The following RAB11FIP4 variants were observed in gnomAD, a reference collection of about 807,000 sequenced individuals.
RAB11FIP4 encodes rab11 family-interacting protein 4.
In RAB11FIP4, 23 loss-of-function variants were observed where a neutral mutation model predicts 74.3. That is an observed-to-expected ratio of 0.31 (90% CI 0.22 to 0.44). RAB11FIP4 has a LOEUF of 0.44. RAB11FIP4 is among the 20% of genes least tolerant of loss of function. RAB11FIP4 has a pLI of 1.00. For missense variants in RAB11FIP4, 630 were observed against 863.9 expected (o/e 0.73, Z 3.39); for synonymous variants, 360 against 359.9 (o/e 1.00, Z 0.00).
At chr17:31,485,218 C>T (rs2071889802) in intron 3 of RAB11FIP4, among the ~76,000 whole-genome samples, 1 of 152,238 alleles carries the variant, frequency 6.6e-6, no homozygotes, top group Non-Finnish European at 1.5e-5. Context: ...ACCGGGCAGG[C>T]TTCAAACCCA....
intron 10 of RAB11FIP4, chr17:31,526,051 C>T (rs2072761308): frequency 6.6e-6 from 1 of 152,276 alleles, no homozygotes; most frequent in Non-Finnish European, 1.5e-5. Context: ...GTCCCTGCCC[C>T]TGTGCAGTTT....
intron 3 of RAB11FIP4, among the ~76,000 whole-genome samples, chr17:31,517,043 G>A (rs1213640635): frequency 6.6e-6 from 1 of 151,906 alleles, no homozygotes; most frequent in Non-Finnish European, 1.5e-5. Flanking sequence ...ACCAATCAGA[G>A]ACTAAAGTGA....
At chr17:31,414,510 G>C (rs1374795855) in intron 1 of RAB11FIP4, among the ~76,000 whole-genome samples, 4 of 152,246 alleles carry the variant, frequency 2.6e-5, no homozygotes, top group Non-Finnish European at 5.9e-5. Context: ...CCTTGTGGGT[G>C]GCCGGAGGGA....
At chr17:31,477,542 C>A (rs942637508) in intron 3 of RAB11FIP4, among the ~76,000 whole-genome samples, 2 of 152,234 alleles carry the variant, frequency 1.3e-5, no homozygotes, top group African/African-American at 2.4e-5. Flanking sequence ...GTCAGAGGCG[C>A]CTGGACAGGC....
chr17:31,429,300 C>T (rs1315214854), intron 1 of RAB11FIP4, among the ~76,000 whole-genome samples: 1 of 152,182 alleles, frequency 6.6e-6, no homozygotes, highest in Non-Finnish European at 1.5e-5. Flanking sequence ...GAAACTAAGG[C>T]TAAGGCTTTC....
intron 1 of RAB11FIP4, 184 bp from the exon 2 acceptor site, chr17:31,431,629 G>T (rs957268229): frequency 1.1e-5 from 6 of 546,116 alleles, no homozygotes; most frequent in African/African-American, 9.9e-5. Flanking sequence ...TTCTTTGCCC[G>T]AGTTGTCTGT....
rs554600353 is a variant in RAB11FIP4 at position 31,525,722 on chromosome 17, G to A, written c.1274+492G>A. ...TCCCATTAGCTCCATGGCCTTGGAC[G>A]TACTGGGTCACCTCCCTGTGTGCCC... is the stretch of plus-strand genomic sequence containing the variant. On this transcript the variant is annotated intron_variant, in intron 10 of 14. Transcript: ENST00000621161. The A allele has an allele frequency of 1.5e-3, 248 of 163,802 alleles. 1 individual carries two copies. The highest frequency in any genetic ancestry group is 5.3e-3 in the African/African-American group (219 of 41,670). 10.1% of individuals were successfully genotyped at this position (163,802 alleles called of 1,614,324 possible).
chr17:31,414,991 G>C (rs755394549), intron 1 of RAB11FIP4, among the ~76,000 whole-genome samples: 1 of 152,206 alleles, frequency 6.6e-6, no homozygotes, highest in Non-Finnish European at 1.5e-5. Context: ...TCCCAGCGTT[G>C]ACCCAAGAGG....
rs62063922 is a variant in RAB11FIP4 at position 31,534,505 on chromosome 17, C to T, written c.*2773C>T. 0.14 allele frequency: 21,649 copies of T among 152,094 alleles called. 1,644 individuals carry two copies. Among genetic ancestry groups the T allele is most frequent in the South Asian group, 0.22 (1,044 of 4,816 alleles). The allele number at this position is 152,094 out of a possible 1,614,324, so 9.4% of individuals were successfully genotyped here. ...CTCGAGCTGCTGACCTCAAGTGATC[C>T]TCCCACCTCAGCCTGCCAAAGCACT... On this transcript the variant is annotated 3_prime_UTR_variant, in exon 15 of 15. Transcript: ENST00000621161.
intron 1 of RAB11FIP4, among the ~76,000 whole-genome samples, chr17:31,396,929 C>T (rs1597894231): frequency 6.6e-6 from 1 of 152,160 alleles, no homozygotes; most frequent in Non-Finnish European, 1.5e-5. Context: ...TCCCTGAGTC[C>T]TCAGGTCCCC....
chr17:31,440,287 C>G (rs1189353709), intron 3 of RAB11FIP4, among the ~76,000 whole-genome samples: 1 of 152,170 alleles, frequency 6.6e-6, no homozygotes, highest in African/African-American at 2.4e-5. Flanking sequence ...CCCTCTTTCT[C>G]AATTGATTTG....
At chr17:31,478,431 C>T (rs1269081465) in intron 3 of RAB11FIP4, among the ~76,000 whole-genome samples, 1 of 152,158 alleles carries the variant, frequency 6.6e-6, no homozygotes, top group African/African-American at 2.4e-5. Flanking sequence ...AGGGTCCTGT[C>T]CAAGCCCAGT....
chr17:31,413,132 G>A (rs182820089), intron 1 of RAB11FIP4, among the ~76,000 whole-genome samples: 7 of 152,118 alleles, frequency 4.6e-5, no homozygotes, highest in East Asian at 1.9e-4. Flanking sequence ...GAGGACTGGC[G>A]GGAGCTTTTC....
chr17:31,481,241 T>C (rs888924736), intron 3 of RAB11FIP4, among the ~76,000 whole-genome samples: 1 of 152,168 alleles, frequency 6.6e-6, no homozygotes, highest in Non-Finnish European at 1.5e-5. Context: ...CTTTAAAAAC[T>C]GCCAACACCT....
chr17:31,391,837 C>T lies in RAB11FIP4; in HGVS notation c.-16C>T, dbSNP rs2151610139. ...CGGCGGGCGAGGGGTCCGGGCTGAG[C>T]TGCGGGCCGGCCCGGATGGCGGGCG... On this transcript the variant is annotated 5_prime_UTR_variant, in exon 1 of 15. Coordinates refer to ENST00000621161, the MANE Select transcript of RAB11FIP4 (RefSeq NM_032932.6). The T allele has an allele frequency of 9.5e-7, 1 of 1,047,906 alleles. No individual in the cohort carries two copies. 64.9% of individuals were successfully genotyped at this position (1,047,906 alleles called of 1,614,324 possible).
At chr17:31,433,730 A>G (rs555350809) in intron 2 of RAB11FIP4, among the ~76,000 whole-genome samples, 1 of 151,636 alleles carries the variant, frequency 6.6e-6, no homozygotes, top group Non-Finnish European at 1.5e-5. Context: ...CCAGGTGGGC[A>G]GCACTGCCTT....
At position 31,432,759 on chromosome 17, in the gene RAB11FIP4, T is replaced by G. The variant is rs184577753; in HGVS notation, c.247+859T>G. 1.1e-3 allele frequency among the ~76,000 whole-genome samples: 166 copies of G among 152,290 alleles called. No individual in the cohort carries two copies. In the Middle Eastern group the frequency reaches 0.014, roughly 12 times the overall value. ...AAATCCCTCTGTCTTGTCCCAAAAA[T>G]TCAAAGGCCAGTTGTGAGAAACTTG... is the stretch of plus-strand genomic sequence containing the variant. On this transcript the variant is annotated intron_variant, in intron 2 of 14. Coordinates refer to ENST00000621161, the MANE Select transcript of RAB11FIP4 (RefSeq NM_032932.6).
chr17:31,444,420 G>A lies in RAB11FIP4; in HGVS notation c.336+10298G>A, dbSNP rs181624908. Reference sequence around the variant, plus strand: ...GCCTCAGAGCTTCTGTAAGATCCTCGATTTGTGTCTTTGGGAAATAACTCA... The same window carrying A: ...GCCTCAGAGCTTCTGTAAGATCCTCAATTTGTGTCTTTGGGAAATAACTCA... On this transcript the variant is annotated intron_variant, in intron 3 of 14. Coordinates refer to ENST00000621161, the MANE Select transcript of RAB11FIP4 (RefSeq NM_032932.6). Among the ~76,000 whole-genome samples the A allele has an allele frequency of 1.7e-4, 26 of 151,180 alleles. No individual in the cohort carries two copies. In the East Asian group the frequency reaches 4.5e-3, roughly 26 times the overall value.
At chr17:31,493,654 C>G (rs2072056605) in intron 3 of RAB11FIP4, among the ~76,000 whole-genome samples, 1 of 152,134 alleles carries the variant, frequency 6.6e-6, no homozygotes, top group Non-Finnish European at 1.5e-5. Context: ...TGCCTGTTTC[C>G]TTAAGGAGAA....
Sources: gnomAD v4.1 joint callset for allele counts (sites outside exome capture counted in the v4.1 genomes callset) on GRCh38, gnomAD v4.1.1 for gene constraint, MANE v1.5 for transcripts, NCBI Gene and HGNC (gene_info 2026-07-23, HGNC 2026-07-21) for gene names.